Variants in SAMTOR observed in about 807,000 individuals in gnomAD.
The protein encoded by SAMTOR is S-adenosylmethionine sensor upstream of mTORC1.
the SAMTOR span, among the ~76,000 whole-genome samples, chr7:112,873,438 C>G: frequency 6.6e-6 from 1 of 151,942 alleles, no homozygotes; most frequent in East Asian, 1.9e-4. Context: ...GATTTTCAAA[C>G]AAGTCAATAA....
At chr7:112,875,963 G>A in the SAMTOR span, among the ~76,000 whole-genome samples, 1 of 152,048 alleles carries the variant, frequency 6.6e-6, no homozygotes, top group Non-Finnish European at 1.5e-5. Context: ...GCCAAATGTA[G>A]TAGAGACTTT....
chr7:112,915,277 CA>C, the SAMTOR span: 2 of 1,570,134 alleles, frequency 1.3e-6, no homozygotes, highest in South Asian at 1.2e-5. Context: ...CATTTGAAAC[CA>C]AAAACGTTAA....
the SAMTOR span, among the ~76,000 whole-genome samples, chr7:112,849,062 A>AC: frequency 2.0e-5 from 3 of 151,280 alleles, no homozygotes; most frequent in Non-Finnish European, 3.0e-5. Context: ...AAAAAAAAAA[A>AC]CAAAGAAAAA....
At chr7:112,910,464 T>C in the SAMTOR span, among the ~76,000 whole-genome samples, 1 of 152,270 alleles carries the variant, frequency 6.6e-6, no homozygotes, top group Admixed American at 6.5e-5. Context: ...CCAAATATTA[T>C]TTAATAAATG....
chr7:112,825,749 T>G, the SAMTOR span, among the ~76,000 whole-genome samples: 1 of 152,202 alleles, frequency 6.6e-6, no homozygotes, highest in African/African-American at 2.4e-5. Context: ...ATCCTTATCT[T>G]GTTTTTGTGA....
the SAMTOR span, among the ~76,000 whole-genome samples, chr7:112,885,220 G>A: frequency 6.6e-6 from 1 of 152,168 alleles, no homozygotes; most frequent in Non-Finnish European, 1.5e-5. Flanking sequence ...TAGGCTTCTA[G>A]GCCTGTGATG....
chr7:112,878,749 G>C, the SAMTOR span, among the ~76,000 whole-genome samples: 2 of 152,136 alleles, frequency 1.3e-5, no homozygotes, highest in African/African-American at 4.8e-5. Context: ...GCATATTTAT[G>C]TTATATTAAG....
At chr7:112,832,682 A>G in the SAMTOR span, 2 of 1,499,840 alleles carry the variant, frequency 1.3e-6, no homozygotes, top group Non-Finnish European at 1.9e-6. Context: ...CAACCTAAAA[A>G]CAGATATTTT....
chr7:112,935,427 C>T, the SAMTOR span, among the ~76,000 whole-genome samples: 1 of 152,112 alleles, frequency 6.6e-6, no homozygotes. Context: ...TTTTCCCCTT[C>T]CCCCACAATT....
At chr7:112,878,577 A>AATTAGGTATAT in the SAMTOR span, among the ~76,000 whole-genome samples, 1 of 152,274 alleles carries the variant, frequency 6.6e-6, no homozygotes, top group East Asian at 1.9e-4. Flanking sequence ...ATATCTAAGG[A>AATTAGGTATAT]CAAACAGGAA....
chr7:112,844,290 G>A, the SAMTOR span, among the ~76,000 whole-genome samples: 1 of 152,058 alleles, frequency 6.6e-6, no homozygotes, highest in East Asian at 1.9e-4. Context: ...TCGGATAAGA[G>A]AAAGAAATAA....
chr7:112,861,485 TAGG>T, the SAMTOR span, among the ~76,000 whole-genome samples: 1 of 152,168 alleles, frequency 6.6e-6, no homozygotes, highest in Non-Finnish European at 1.5e-5. Flanking sequence ...TTCTTGATAA[TAGG>T]AGTATACATC....
At chr7:112,821,535 T>C in the SAMTOR span, 2 of 433,918 alleles carry the variant, frequency 4.6e-6, no homozygotes, top group African/African-American at 2.1e-5. Context: ...GTTTCTGCTA[T>C]GACATGAGTC....
At chr7:112,844,583 A>G in the SAMTOR span, among the ~76,000 whole-genome samples, 847 of 152,316 alleles carry the variant, frequency 5.6e-3, 4 homozygotes, top group Non-Finnish European at 9.9e-3. Context: ...ACTACTGCTC[A>G]AAGAAATCAG....
At chr7:112,836,747 T>A in the SAMTOR span, among the ~76,000 whole-genome samples, 1 of 151,990 alleles carries the variant, frequency 6.6e-6, no homozygotes, top group South Asian at 2.1e-4. Flanking sequence ...TTATCGAAGA[T>A]CAGATGGTTG....
chr7:112,912,680 TA>T, the SAMTOR span, among the ~76,000 whole-genome samples: 200 of 147,270 alleles, frequency 1.4e-3, no homozygotes, highest in African/African-American at 1.5e-3. Flanking sequence ...CTTCTGATAG[TA>T]AAAAAAAAAA....
At chr7:112,856,355 T>C in the SAMTOR span, among the ~76,000 whole-genome samples, 3 of 151,924 alleles carry the variant, frequency 2.0e-5, no homozygotes, top group African/African-American at 7.3e-5. Context: ...GTTCAAGCAG[T>C]TGTCATGCCT....
At chr7:112,873,059 A>G in the SAMTOR span, among the ~76,000 whole-genome samples, 1 of 152,064 alleles carries the variant, frequency 6.6e-6, no homozygotes, top group African/African-American at 2.4e-5. Context: ...TAAAAAAAAA[A>G]TTACAGGTGA....
At chr7:112,902,449 C>CCA in the SAMTOR span, among the ~76,000 whole-genome samples, 1 of 54,936 alleles carries the variant, frequency 1.8e-5, no homozygotes, top group African/African-American at 7.2e-5. Flanking sequence ...CAAAAAAAAA[C>CCA]AAAAAAAAAA....
Sources: allele counts gnomAD v4.1 joint callset (sites outside exome capture counted in the v4.1 genomes callset), GRCh38; gene constraint gnomAD v4.1.1; transcripts MANE v1.5; gene names NCBI Gene and HGNC (gene_info 2026-07-23, HGNC 2026-07-21).